UNC13C: variants seen among roughly 807,000 people sequenced by gnomAD.
The protein encoded by UNC13C is unc-13 homolog C.
A neutral mutation model predicts 245.4 loss-of-function variants in UNC13C; 174 were observed. That is an observed-to-expected ratio of 0.71 (90% CI 0.63 to 0.80). UNC13C has a LOEUF of 0.80. Among genes scored for constraint, UNC13C ranks in the 30% least tolerant of loss-of-function variants. The pLI is 0.00. For synonymous variants in UNC13C, 992 were observed against 895.1 expected (o/e 1.11, Z -1.93); for missense variants, 2,829 against 2,602.9 (o/e 1.09, Z -1.89).
At chr15:54,188,592 C>T (rs1453558490) in intron 4 of UNC13C, among the ~76,000 whole-genome samples, 3 of 152,138 alleles carry the variant, frequency 2.0e-5, no homozygotes, top group Non-Finnish European at 2.9e-5. Flanking sequence ...TTTTCAAAGC[C>T]GGATTGCTTT....
At chr15:53,931,821 A>G in the UNC13C span, among the ~76,000 whole-genome samples, 1 of 152,176 alleles carries the variant, frequency 6.6e-6, no homozygotes, top group African/African-American at 2.4e-5. Flanking sequence ...AACATATGCT[A>G]CAAATCAGGG....
intron 2 of UNC13C, among the ~76,000 whole-genome samples, chr15:54,104,226 G>A (rs920440011): frequency 6.6e-6 from 1 of 152,114 alleles, no homozygotes; most frequent in Non-Finnish European, 1.5e-5. Context: ...GTCCTTAAAC[G>A]ATGCCTGGAT....
At chr15:53,958,112 A>G in the UNC13C span, among the ~76,000 whole-genome samples, 2 of 152,214 alleles carry the variant, frequency 1.3e-5, no homozygotes, top group African/African-American at 4.8e-5. Flanking sequence ...GAAATACTAC[A>G]GCCACTACTT....
intron 13 of UNC13C, among the ~76,000 whole-genome samples, chr15:54,305,629 A>G (rs1202030803): frequency 1.3e-5 from 2 of 152,090 alleles, no homozygotes; most frequent in Non-Finnish European, 2.9e-5. Context: ...AGTAACCGGA[A>G]AGCCAACCAA....
At chr15:53,988,397 A>G (rs1332275091) in intron 1 of UNC13C, among the ~76,000 whole-genome samples, 1 of 151,954 alleles carries the variant, frequency 6.6e-6, no homozygotes, top group Admixed American at 6.6e-5. Context: ...TATGGGACAT[A>G]AAAAAATAAC....
At chr15:54,528,442 T>C (rs1895586241) in intron 25 of UNC13C, among the ~76,000 whole-genome samples, 1 of 152,080 alleles carries the variant, frequency 6.6e-6, no homozygotes, top group African/African-American at 2.4e-5. Flanking sequence ...CCTTGGGTGC[T>C]CCGAAAATCT....
At chr15:54,370,540 C>T (rs1006869861) in intron 17 of UNC13C, among the ~76,000 whole-genome samples, 2 of 152,170 alleles carry the variant, frequency 1.3e-5, no homozygotes, top group African/African-American at 4.8e-5. Flanking sequence ...ATCATGTCTG[C>T]CACTGCTTCA....
At chr15:53,888,776 AGTTT>A in the UNC13C span, among the ~76,000 whole-genome samples, 1 of 152,174 alleles carries the variant, frequency 6.6e-6, no homozygotes, top group Non-Finnish European at 1.5e-5. Flanking sequence ...ATGGCTAGCC[AGTTT>A]TCCCAACACC....
chr15:54,489,845 C>T (rs1596469881), intron 19 of UNC13C, among the ~76,000 whole-genome samples: 1 of 152,200 alleles, frequency 6.6e-6, no homozygotes, highest in East Asian at 1.9e-4. Flanking sequence ...TATATAGAAG[C>T]ATATCATTTC....
At chr15:53,915,828 G>A in the UNC13C span, among the ~76,000 whole-genome samples, 1 of 152,042 alleles carries the variant, frequency 6.6e-6, no homozygotes, top group Non-Finnish European at 1.5e-5. Context: ...TGACTATTAG[G>A]GAAAACATCA....
chr15:54,264,088 C>A (rs896620770), intron 8 of UNC13C, 80 bp from the exon 9 acceptor site: 3 of 1,397,610 alleles, frequency 2.1e-6, no homozygotes, highest in Non-Finnish European at 3.0e-6. Flanking sequence ...TTCTCACTTC[C>A]TCCTCCTTTT....
At chr15:54,460,470 G>A (rs1891773649) in intron 19 of UNC13C, among the ~76,000 whole-genome samples, 1 of 152,342 alleles carries the variant, frequency 6.6e-6, no homozygotes, top group Non-Finnish European at 1.5e-5. Flanking sequence ...TCCTTCATTG[G>A]AGCAGGGTTG....
Position 54,321,879 on chromosome 15 carries a change from G to A in UNC13C, c.4269-60G>A, listed in dbSNP as rs1358966940. ...ATTAATTGCTGATGTTAGAAGCTCT[G>A]TTGTTGTATGAATTAATTAATTTCT... On this transcript the variant is annotated intron_variant, in intron 13 of 32. Transcript: ENST00000260323. 2.0e-6 allele frequency: 3 copies of A among 1,475,550 alleles called. No individual in the cohort carries two copies. The Admixed American group carries it at 6.6e-5, about 33-fold the overall frequency. 91.4% of individuals were successfully genotyped at this position (1,475,550 alleles called of 1,614,324 possible).
rs141664139 is a variant in UNC13C, at chr15:54,209,511, C to T, written c.3072-25519C>T. 4.6e-5 allele frequency among the ~76,000 whole-genome samples: 7 copies of T among 152,066 alleles called. No individual in the cohort carries two copies. In the East Asian group the frequency reaches 1.4e-3, roughly 30 times the overall value. Reference sequence around the variant, plus strand: ...CACTGCAGACTGGAACACCCAGGCTCAGATGATCCTCCCTCCTCAATCTCC... The same window carrying T: ...CACTGCAGACTGGAACACCCAGGCTTAGATGATCCTCCCTCCTCAATCTCC... On this transcript the variant is annotated intron_variant, in intron 4 of 32. Transcript: ENST00000260323.
At chr15:54,375,875 G>A (rs1396845113) in intron 17 of UNC13C, among the ~76,000 whole-genome samples, 11 of 152,180 alleles carry the variant, frequency 7.2e-5, no homozygotes, top group Admixed American at 7.2e-4. Context: ...AAAACTGTGT[G>A]ACAATAAATG....
chr15:54,623,884 A>G lies in UNC13C; in HGVS notation c.6289A>G (p.Lys2097Glu). The change falls in exon 32 of 33, where the codon AAG becomes GAG. Residue 2097 changes from lysine to glutamate, a missense_variant. By Grantham distance (56) the Lys-to-Glu change is moderately conservative. Coordinates refer to ENST00000260323, the MANE Select transcript of UNC13C (RefSeq NM_001080534.3). ...VCILGPNLGDKKRKQGTKTKS... is the reference protein window; with the variant it reads ...VCILGPNLGDEKRKQGTKTKS... ...TATACTGGGACCCAACCTTGGAGAC[A>G]AGAAGAGAAAACAAGGCACAAAAAC... 6.2e-7 allele frequency: 1 copy of G among 1,613,366 alleles called. No individual in the cohort carries two copies. Among genetic ancestry groups the G allele is most frequent in the Non-Finnish European group, 8.5e-7 (1 of 1,179,528 alleles).
At chr15:54,179,949 T>C (rs978421115) in intron 4 of UNC13C, among the ~76,000 whole-genome samples, 3 of 152,074 alleles carry the variant, frequency 2.0e-5, no homozygotes, top group African/African-American at 7.2e-5. Flanking sequence ...TTTCCAATAG[T>C]AACTGTGAAA....
Position 54,167,785 on chromosome 15 carries a change from A to T in UNC13C, c.3071+24101A>T, listed in dbSNP as rs189475509. Among the ~76,000 whole-genome samples, 63 of 152,188 alleles carry T rather than the reference A, an allele frequency of 4.1e-4. 2 individuals are homozygous for T. The East Asian group carries it at 0.011, about 27-fold the overall frequency. On this transcript the variant is annotated intron_variant, in intron 4 of 32. Coordinates refer to ENST00000260323, the MANE Select transcript of UNC13C (RefSeq NM_001080534.3). ...AAAAAATCCTACAACTCCATTAAAA[A>T]AGTTAAACAATCCAATAAATTATGG... is the stretch of plus-strand genomic sequence containing the variant.
the UNC13C span, among the ~76,000 whole-genome samples, chr15:53,904,533 G>A: frequency 6.6e-6 from 1 of 151,980 alleles, no homozygotes; most frequent in Non-Finnish European, 1.5e-5. Flanking sequence ...ACTCTTTTCT[G>A]TTTGCCTCCA....
Sources: allele counts gnomAD v4.1 joint callset (sites outside exome capture counted in the v4.1 genomes callset), GRCh38; gene constraint gnomAD v4.1.1; transcripts MANE v1.5; gene names NCBI Gene and HGNC (gene_info 2026-07-23, HGNC 2026-07-21).